The following NBAS variants were observed in gnomAD, a reference collection of about 807,000 sequenced individuals.
NBAS encodes the protein NBAS subunit of NRZ tethering complex.
In NBAS, 219 loss-of-function variants were observed where a neutral mutation model predicts 302.5. The ratio of observed to expected loss-of-function variants is 0.72; its 90% CI spans 0.65 to 0.81. The LOEUF is 0.81. Among genes scored for constraint, NBAS ranks in the 30% least tolerant of loss-of-function variants. The probability of loss-of-function intolerance (pLI) is 0.00; values close to 1 mark genes in which losing one functional copy is unlikely to be tolerated. For missense variants in NBAS, 2,932 were observed against 2,841.6 expected, an observed-to-expected ratio of 1.03 and a Z score of -0.72; for synonymous variants, 1,118 against 1,021.6, an observed-to-expected ratio of 1.09 and a Z score of -1.80.
At chr2:15,160,277 T>C in the NBAS span, among the ~76,000 whole-genome samples, 1 of 152,124 alleles carries the variant, frequency 6.6e-6, no homozygotes, top group Non-Finnish European at 1.5e-5. Context: ...CTTTCCACAG[T>C]AGTAGACAGG....
intron 40 of NBAS, among the ~76,000 whole-genome samples, chr2:15,301,505 A>G (rs1670792562): frequency 6.6e-6 from 1 of 152,204 alleles, no homozygotes; most frequent in South Asian, 2.1e-4. Context: ...CAAGTGAGCA[A>G]TCAGTTTGGG....
the NBAS span, among the ~76,000 whole-genome samples, chr2:14,952,984 T>C: frequency 4.6e-5 from 7 of 152,018 alleles, no homozygotes; most frequent in East Asian, 1.4e-3. Context: ...AGGATGAAGG[T>C]AGATGGAGAG....
At chr2:15,292,044 A>G (rs11686627) in intron 41 of NBAS, among the ~76,000 whole-genome samples, 90,280 of 152,202 alleles carry the variant, frequency 0.59, 29,608 homozygotes, top group African/African-American at 0.87. Flanking sequence ...GCATGATCTC[A>G]GCTCACTGTG....
chr2:15,524,834 T>C (rs1480104886), intron 9 of NBAS, among the ~76,000 whole-genome samples: 1 of 152,136 alleles, frequency 6.6e-6, no homozygotes, highest in African/African-American at 2.4e-5. Context: ...GTAATTCTGA[T>C]GTCCATACCT....
intron 48 of NBAS, among the ~76,000 whole-genome samples, chr2:15,197,434 T>A (rs970444): frequency 6.6e-6 from 1 of 152,052 alleles, no homozygotes; most frequent in Non-Finnish European, 1.5e-5. Flanking sequence ...GTCTACTTCA[T>A]AGGGTTATAT....
At chr2:15,179,626 A>T (rs1664727354) in intron 50 of NBAS, 1 of 155,998 alleles carries the variant, frequency 6.4e-6, no homozygotes, top group African/African-American at 2.4e-5. Context: ...ACTGAAACAA[A>T]GGAAATCAGC....
downstream of NBAS, among the ~76,000 whole-genome samples, chr2:15,166,236 C>T (rs779106832): frequency 1.6e-4 from 24 of 152,160 alleles, no homozygotes; most frequent in African/African-American, 4.3e-4. Context: ...TGCACATCAG[C>T]GAACCCTAAG....
the NBAS span, among the ~76,000 whole-genome samples, chr2:14,938,804 C>T: frequency 6.6e-6 from 1 of 152,212 alleles, no homozygotes; most frequent in Non-Finnish European, 1.5e-5. Flanking sequence ...TCTATTAACT[C>T]TGAGACCCCC....
chr2:15,224,995 G>A (rs956642384), intron 47 of NBAS, among the ~76,000 whole-genome samples: 3 of 152,168 alleles, frequency 2.0e-5, no homozygotes, highest in Non-Finnish European at 2.9e-5. Context: ...TGGTACCGTA[G>A]TAATATAAAA....
At chr2:15,031,783 G>A in the NBAS span, among the ~76,000 whole-genome samples, 8 of 152,248 alleles carry the variant, frequency 5.3e-5, no homozygotes, top group African/African-American at 1.4e-4. Context: ...TGCACTGGGC[G>A]AGCAAGTGTG....
chr2:14,939,306 T>C, the NBAS span, among the ~76,000 whole-genome samples: 639 of 152,388 alleles, frequency 4.2e-3, 7 homozygotes, highest in African/African-American at 0.015. Flanking sequence ...CAGCTCTGCT[T>C]CTACTGCCTG....
At chr2:15,261,119 AT>A (rs1668832900) in intron 44 of NBAS, among the ~76,000 whole-genome samples, 1 of 152,230 alleles carries the variant, frequency 6.6e-6, no homozygotes, top group South Asian at 2.1e-4. Context: ...TATCTCAGCT[AT>A]ATTTAACTAA....
At chr2:14,875,763 A>T in the NBAS span, among the ~76,000 whole-genome samples, 1 of 152,212 alleles carries the variant, frequency 6.6e-6, no homozygotes, top group Non-Finnish European at 1.5e-5. Context: ...AGAGAATGAG[A>T]TTGTTAACAC....
the NBAS span, among the ~76,000 whole-genome samples, chr2:15,065,285 G>A: frequency 1.7e-4 from 26 of 152,118 alleles, no homozygotes; most frequent in African/African-American, 6.0e-4. Context: ...AAATCCCAGA[G>A]TTAACATTAT....
chr2:14,875,393 G>A, the NBAS span, among the ~76,000 whole-genome samples: 4 of 152,186 alleles, frequency 2.6e-5, no homozygotes, highest in African/African-American at 7.2e-5. Context: ...GGCAGGTGGC[G>A]AACACGAGGT....
At chr2:15,066,953 TAA>T in the NBAS span, among the ~76,000 whole-genome samples, 1 of 152,104 alleles carries the variant, frequency 6.6e-6, no homozygotes, top group Non-Finnish European at 1.5e-5. Context: ...GGAATCAACC[TAA>T]GTGTCCATCA....
chr2:15,379,435 A>G lies in NBAS; in HGVS notation c.3590+167T>C, dbSNP rs1002270079. Among the ~76,000 whole-genome samples the G allele has an allele frequency of 1.7e-4, 6 of 35,430 alleles. 1 individual carries two copies. The highest frequency in any genetic ancestry group is 5.0e-4 in the Non-Finnish European group (6 of 12,100). The allele number at this position is 35,430 out of a possible 152,430, so 23.2% of individuals were successfully genotyped here. On this transcript the variant is annotated intron_variant, in intron 30 of 51. Transcript: ENST00000281513. Reference sequence around the variant, plus strand: ...ATGTTTAAGAAGCTGATGGACATTCATAACATAGTTTTTCTTTTTATATTC... The same window carrying G: ...ATGTTTAAGAAGCTGATGGACATTCGTAACATAGTTTTTCTTTTTATATTC...
chr2:14,843,352 T>C, the NBAS span, among the ~76,000 whole-genome samples: 32,497 of 152,006 alleles, frequency 0.21, 5,657 homozygotes, highest in African/African-American at 0.48. Flanking sequence ...AAAGGGCACA[T>C]AAATTGGAAA....
At chr2:15,080,238 T>G in the NBAS span, among the ~76,000 whole-genome samples, 2 of 152,294 alleles carry the variant, frequency 1.3e-5, no homozygotes, top group Middle Eastern at 3.4e-3. Context: ...AACTCCAGAA[T>G]CATGATGGTC....
Sources: allele counts gnomAD v4.1 joint callset (sites outside exome capture counted in the v4.1 genomes callset), GRCh38; gene constraint gnomAD v4.1.1; transcripts MANE v1.5; gene names NCBI Gene and HGNC (gene_info 2026-07-23, HGNC 2026-07-21).